The following DLGAP2 variants were observed in gnomAD, a reference collection of about 807,000 sequenced individuals.
DLGAP2 encodes disks large-associated protein 2.
DLGAP2 carries 26 observed loss-of-function variants against 100.3 expected under a neutral mutation model. The observed-to-expected ratio is 0.26, with a 90% CI of 0.19 to 0.36. DLGAP2 has a LOEUF of 0.36. Ranked by LOEUF, DLGAP2 falls within the 10% of genes least tolerant of loss-of-function variation. DLGAP2 has a pLI of 1.00. For missense variants in DLGAP2, 1,858 were observed against 1,453.2 expected (o/e 1.28, Z -4.53); for synonymous variants, 886 against 630.1 (o/e 1.41, Z -6.08).
rs117742371 is a variant in DLGAP2 at position 1,391,632 on chromosome 8, C to G, written c.107-109734C>G. Among the ~76,000 whole-genome samples the G allele has an allele frequency of 9.2e-3, 1,398 of 152,288 alleles. 11 individuals are homozygous for G. The highest frequency in any genetic ancestry group is 0.015 in the South Asian group (72 of 4,824). ...GTCCAGGAAGGGGCTGGGCAGGGGA[C>G]TGCTCTAGAAGAGGAGATGGGTTCA... On this transcript the variant is annotated intron_variant, in intron 3 of 14. Transcript: ENST00000637795.
chr8:1,312,527 G>C (rs572778720), intron 3 of DLGAP2, among the ~76,000 whole-genome samples: 2 of 152,158 alleles, frequency 1.3e-5, no homozygotes, highest in Non-Finnish European at 2.9e-5. Context: ...AGGGTTTCTG[G>C]GGGCTTGGGG....
intron 1 of DLGAP2, among the ~76,000 whole-genome samples, chr8:882,429 C>G (rs1398170879): frequency 1.4e-5 from 2 of 139,424 alleles, no homozygotes; most frequent in Non-Finnish European, 3.1e-5. Context: ...GCACCCTCGC[C>G]TGATCCAGCG....
chr8:1,250,477 G>A (rs1453422716), intron 2 of DLGAP2: 3 of 152,222 alleles, frequency 2.0e-5, no homozygotes, highest in Non-Finnish European at 2.9e-5. Flanking sequence ...GAAGGAAGAA[G>A]GGAGTGAATG....
intron 3 of DLGAP2, among the ~76,000 whole-genome samples, chr8:1,364,765 G>T (rs886235092): frequency 6.6e-6 from 1 of 152,246 alleles, no homozygotes; most frequent in South Asian, 2.1e-4. Context: ...AACGAAGGAC[G>T]AGAGGGCTTC....
At chr8:1,694,541 A>T (rs1257372361) in intron 13 of DLGAP2, among the ~76,000 whole-genome samples, 1 of 152,176 alleles carries the variant, frequency 6.6e-6, no homozygotes, top group Non-Finnish European at 1.5e-5. Flanking sequence ...AAATAACTTA[A>T]CCTCAAAGCG....
At chr8:1,603,112 G>T (rs901510370) in intron 6 of DLGAP2, among the ~76,000 whole-genome samples, 3 of 152,000 alleles carry the variant, frequency 2.0e-5, no homozygotes, top group Admixed American at 1.3e-4. Context: ...TAGAGTGGAG[G>T]CTGGGTCTCA....
At chr8:978,526 C>T (rs1800231077) in intron 2 of DLGAP2, among the ~76,000 whole-genome samples, 2 of 99,944 alleles carry the variant, frequency 2.0e-5, no homozygotes, top group African/African-American at 3.4e-5. Context: ...GGGAGGGCGT[C>T]GGGGATGCAG....
intron 7 of DLGAP2, among the ~76,000 whole-genome samples, chr8:1,630,838 C>G (rs1797623447): frequency 6.6e-6 from 1 of 152,090 alleles, no homozygotes; most frequent in Non-Finnish European, 1.5e-5. Flanking sequence ...ACCTCAGTAG[C>G]TGCACTCTGC....
At chr8:838,025 C>G (rs1240144254) in intron 1 of DLGAP2, among the ~76,000 whole-genome samples, 1 of 151,662 alleles carries the variant, frequency 6.6e-6, no homozygotes, top group Non-Finnish European at 1.5e-5. Context: ...CTGTGCCCAG[C>G]CTGAAATTTA....
chr8:1,138,128 C>T (rs965163558), intron 2 of DLGAP2, among the ~76,000 whole-genome samples: 4 of 152,230 alleles, frequency 2.6e-5, no homozygotes, highest in Non-Finnish European at 4.4e-5. Context: ...TCCAGCAGAG[C>T]GAGCCTGAGA....
intron 3 of DLGAP2, among the ~76,000 whole-genome samples, chr8:1,478,143 T>A (rs1798986684): frequency 6.6e-6 from 1 of 152,268 alleles, no homozygotes; most frequent in Non-Finnish European, 1.5e-5. Flanking sequence ...CCTCTGTTTT[T>A]TAAATCTGGG....
At chr8:1,591,245 G>T (rs1010781308) in intron 6 of DLGAP2, among the ~76,000 whole-genome samples, 1 of 151,974 alleles carries the variant, frequency 6.6e-6, no homozygotes, top group Non-Finnish European at 1.5e-5. Flanking sequence ...AATTTCTAGG[G>T]AATTACAGGG....
At chr8:1,232,002 A>G (rs995384356) in intron 2 of DLGAP2, among the ~76,000 whole-genome samples, 1 of 152,196 alleles carries the variant, frequency 6.6e-6, no homozygotes. Context: ...AAAATAATAA[A>G]TGCCAGTAGC....
chr8:1,291,078 A>C (rs1800047851), intron 3 of DLGAP2, among the ~76,000 whole-genome samples: 1 of 152,198 alleles, frequency 6.6e-6, no homozygotes. Flanking sequence ...AAAACATAAC[A>C]GTCACAGGGC....
At chr8:879,537 C>T (rs535105818) in intron 1 of DLGAP2, among the ~76,000 whole-genome samples, 3 of 152,276 alleles carry the variant, frequency 2.0e-5, no homozygotes, top group South Asian at 2.1e-4. Flanking sequence ...ATCTGACCCA[C>T]GATCTAGTCT....
intron 1 of DLGAP2, among the ~76,000 whole-genome samples, chr8:834,924 A>G (rs1359197727): frequency 6.6e-6 from 1 of 152,228 alleles, no homozygotes; most frequent in Non-Finnish European, 1.5e-5. Context: ...CATTAACCCA[A>G]GCAAGGCTGT....
chr8:1,307,004 A>G (rs1800506700), intron 3 of DLGAP2, among the ~76,000 whole-genome samples: 1 of 152,196 alleles, frequency 6.6e-6, no homozygotes, highest in Admixed American at 6.5e-5. Flanking sequence ...GGATACCAAA[A>G]GTACAAGCAA....
intron 2 of DLGAP2, among the ~76,000 whole-genome samples, chr8:1,000,742 C>T (rs534534177): frequency 2.0e-5 from 3 of 152,262 alleles, no homozygotes; most frequent in Non-Finnish European, 2.9e-5. Flanking sequence ...TACTCAACGT[C>T]GACTGCAGGG....
chr8:1,561,109 T>C (rs1376435461), intron 5 of DLGAP2, among the ~76,000 whole-genome samples: 1 of 152,038 alleles, frequency 6.6e-6, no homozygotes, highest in Non-Finnish European at 1.5e-5. Flanking sequence ...GATCTGATGG[T>C]TTTTTAAAAG....
Sources: allele counts gnomAD v4.1 joint callset (sites outside exome capture counted in the v4.1 genomes callset), GRCh38; gene constraint gnomAD v4.1.1; transcripts MANE v1.5; gene names NCBI Gene and HGNC (gene_info 2026-07-23, HGNC 2026-07-21).